SCUBE2: variants seen among roughly 807,000 people sequenced by gnomAD.
The protein encoded by SCUBE2 is signal peptide, CUB and EGF-like domain-containing protein 2.
A neutral mutation model predicts 125.9 loss-of-function variants in SCUBE2; 114 were observed. The observed-to-expected ratio is 0.91, with a 90% CI of 0.78 to 1.06. The LOEUF is 1.06. Among genes scored for constraint, SCUBE2 ranks in the 50% least tolerant of loss-of-function variants. SCUBE2 has a pLI of 0.00. For synonymous variants in SCUBE2, 459 were observed against 492.9 expected (o/e 0.93, Z 0.91); for missense variants, 1,255 against 1,301.8 (o/e 0.96, Z 0.55).
rs781255052 is a variant in SCUBE2 at position 9,033,682 on chromosome 11, G to C, written c.2117C>G (p.Pro706Arg). Residue 706 changes from proline to arginine, a missense_variant, in exon 17 of 23, where the codon CCA becomes CGA. Pro to Arg is a moderately radical substitution (Grantham distance 103). Around this residue, in one of 3 missense-constraint regions of SCUBE2, gnomAD observed 515 missense variants for 515.7 expected, o/e 1.00. Coordinates refer to ENST00000649792, the MANE Select transcript of SCUBE2 (RefSeq NM_001367977.2). ...GGTCTTCAGGGCCCCAGAATTTCCTGGTCTTGGGCATGGTTCACAAGTCAT... is the reference window on the plus strand; with the variant it reads ...GGTCTTCAGGGCCCCAGAATTTCCTCGTCTTGGGCATGGTTCACAAGTCAT... ...GQMTCEPCPR[P>R]GNSGALKTPE... The C allele has an allele frequency of 6.2e-7, 1 of 1,614,072 alleles. No individual in the cohort carries two copies.
chr11:9,030,223 T>C, intron 18 of SCUBE2, 178 bp from the exon 19 acceptor site: 1 of 651,142 alleles, frequency 1.5e-6, no homozygotes, highest in Non-Finnish European at 2.6e-6. Context: ...TGGATGGGGC[T>C]CATGAAATAG....
chr11:9,046,252 C>T (rs57590336), intron 16 of SCUBE2, among the ~76,000 whole-genome samples: 14,064 of 151,964 alleles, frequency 0.093, 1,148 homozygotes, highest in African/African-American at 0.22. Flanking sequence ...TCGTGATCTG[C>T]CCGCCTTGGC....
At chr11:9,051,503 G>A (rs547420563) in intron 13 of SCUBE2, among the ~76,000 whole-genome samples, 2 of 152,276 alleles carry the variant, frequency 1.3e-5, no homozygotes, top group East Asian at 1.9e-4. Context: ...TAGGCTCTGA[G>A]GTCTGAGAGG....
At position 9,053,278 on chromosome 11, in the gene SCUBE2, G is replaced by A. The variant is rs189357174; in HGVS notation, c.1331-63C>T. ...GACATTTCCAAGTGTGACAAGGATGGTTGAGTCCCATGCACCAAAGGCCCC... is the reference window on the plus strand; with the variant it reads ...GACATTTCCAAGTGTGACAAGGATGATTGAGTCCCATGCACCAAAGGCCCC... On this transcript the variant is annotated intron_variant, in intron 11 of 22. Transcript: ENST00000649792. The A allele has an allele frequency of 3.6e-5, 50 of 1,392,628 alleles. No homozygotes were observed. In the East Asian group the frequency reaches 1.0e-3, roughly 28 times the overall value. The allele number at this position is 1,392,628 out of a possible 1,614,324, so 86.3% of individuals were successfully genotyped here. A position where few individuals can be genotyped will look rare whatever the true frequency, so the allele number is the denominator to read the frequency against.
At chr11:9,039,248 TGAC>T (rs80019039) in intron 16 of SCUBE2, among the ~76,000 whole-genome samples, 14,765 of 152,066 alleles carry the variant, frequency 0.097, 1,284 homozygotes, top group African/African-American at 0.23. Flanking sequence ...GAGCTAGAGA[TGAC>T]GGTGGCTTGA....
chr11:9,047,382 C>T lies in SCUBE2; in HGVS notation c.1976G>A (p.Gly659Asp), dbSNP rs769504979. The T allele has an allele frequency of 2.5e-6, 4 of 1,614,170 alleles. No homozygotes were observed. Among genetic ancestry groups the T allele is most frequent in the Non-Finnish European group, 3.4e-6 (4 of 1,180,040 alleles). ...SERQAESCGVGQGHAENQCVS... is the reference protein window; with the variant it reads ...SERQAESCGVDQGHAENQCVS... ...ACATTGGTTTTCTGCATGACCCTGG[C>T]CCACTCCACAGGACTCTGCCTGGCG... Residue 659 changes from glycine to aspartate, a missense_variant, in exon 16 of 23, where the codon GGC (glycine) becomes GAC (aspartate). Around this residue, in one of 3 missense-constraint regions of SCUBE2, gnomAD observed 515 missense variants for 515.7 expected, o/e 1.00. Coordinates refer to ENST00000649792, the MANE Select transcript of SCUBE2 (RefSeq NM_001367977.2).
intron 3 of SCUBE2, among the ~76,000 whole-genome samples, chr11:9,075,844 G>A (rs1386171029): frequency 1.3e-5 from 2 of 152,238 alleles, no homozygotes; most frequent in Non-Finnish European, 2.9e-5. Flanking sequence ...GTGCCTGCAG[G>A]GCTGGGAGCC....
Position 9,040,669 on chromosome 11 carries a change from TA to T in SCUBE2, c.2002+6686del, listed in dbSNP as rs377732350. On this transcript the variant is annotated intron_variant, in intron 16 of 22. Coordinates refer to ENST00000649792, the MANE Select transcript of SCUBE2 (RefSeq NM_001367977.2). Reference sequence around the variant, plus strand: ...CATATCCCAGGCAGGATGGGGAGGGTACACAGTGTGGGTACGCAGGAGAAAG... The same window carrying T: ...CATATCCCAGGCAGGATGGGGAGGGTCACAGTGTGGGTACGCAGGAGAAAG... 5.4e-3 allele frequency among the ~76,000 whole-genome samples: 725 copies of T among 133,434 alleles called. 6 individuals are homozygous for T. The highest frequency in any genetic ancestry group is 0.014 in the Middle Eastern group (3 of 220). The allele number at this position is 133,434 out of a possible 152,430, so 87.5% of individuals were successfully genotyped here. A position where few individuals can be genotyped will look rare whatever the true frequency, so the allele number is the denominator to read the frequency against.
At chr11:9,059,486 C>T (rs1859451074) in intron 8 of SCUBE2, 61 bp from the exon 9 acceptor site, 2 of 1,568,684 alleles carry the variant, frequency 1.3e-6, no homozygotes, top group South Asian at 2.3e-5. Flanking sequence ...CCCACAACTC[C>T]CTGAAGGGCC....
rs537444230 is a variant in SCUBE2 at position 9,048,024 on chromosome 11, C to A, written c.1714G>T (p.Ala572Ser). The stretch of plus-strand genomic sequence containing the variant: ...TTAGGGGTGCTTGGTCGGCCAGGGG[C>A]TCCTGGGACTTGCTTGCCAGAGCTG... The part of the protein sequence containing the change: ...TCSSGKQVPG[A>S]PGRPSTPKEM... Residue 572 changes from alanine (A) to serine (S), a missense_variant, in exon 15 of 23, where the codon GCC (alanine) becomes TCC (serine). Physicochemically the swap from Ala to Ser is moderately conservative, Grantham distance 99 (BLOSUM62 1). Around this residue, in one of 3 missense-constraint regions of SCUBE2, gnomAD observed 378 missense variants for 463.1 expected, o/e 0.82. Transcript: ENST00000649792. 2 of 1,614,188 alleles carry A rather than the reference C, an allele frequency of 1.2e-6. No homozygotes were observed. Among genetic ancestry groups the A allele is most frequent in the Admixed American group, 3.3e-5 (2 of 60,024 alleles).
Position 9,030,807 on chromosome 11 carries a change from A to G in SCUBE2, c.2292T>C (p.Leu764=). 6.2e-7 allele frequency: 1 copy of G among 1,614,196 alleles called. No individual in the cohort carries two copies. Among genetic ancestry groups the G allele is most frequent in the African/African-American group, 1.3e-5 (1 of 75,064 alleles). The change falls in exon 18 of 23, where the codon CTT becomes CTC. Residue 764 remains leucine, a synonymous_variant. Transcript: ENST00000649792. ...AAGTAGCTCCCTGATGTTTGGTGGC[A>G]AGGCCTCCTCCACAGGGGAAGCAGG... is the stretch of plus-strand genomic sequence containing the variant. ...RTSCFPCGGG[L]ATKHQGATSF...
chr11:9,074,746 A>T, intron 3 of SCUBE2, 131 bp from the exon 4 acceptor site: 2 of 1,096,090 alleles, frequency 1.8e-6, no homozygotes, highest in Non-Finnish European at 2.7e-6. Flanking sequence ...AAGCTTTCAG[A>T]ATCAAAGCCG....
chr11:9,089,457 CTT>C (rs1458391760), intron 2 of SCUBE2, among the ~76,000 whole-genome samples: 1 of 152,204 alleles, frequency 6.6e-6, no homozygotes, highest in African/African-American at 2.4e-5. Context: ...TAACACATCT[CTT>C]TTCTTTTCCA....
intron 2 of SCUBE2, among the ~76,000 whole-genome samples, chr11:9,082,934 C>T (rs1468254567): frequency 6.6e-6 from 1 of 152,054 alleles, no homozygotes; most frequent in Admixed American, 6.6e-5. Flanking sequence ...CTGACTTGCA[C>T]AATTAAAATT....
Position 9,045,102 on chromosome 11 carries a change from A to T in SCUBE2, c.2002+2254T>A, listed in dbSNP as rs112862770. Among the ~76,000 whole-genome samples, 1,145 of 152,216 alleles carry T rather than the reference A, an allele frequency of 7.5e-3. 8 individuals are homozygous for T. Among genetic ancestry groups the T allele is most frequent in the African/African-American group, 0.026 (1,096 of 41,528 alleles). ...AATTGTAAACTCTGTGAGGGCTGAG[A>T]TGTTTGCGTGTTTCTTTATTGCTGG... On this transcript the variant is annotated intron_variant, in intron 16 of 22. Coordinates refer to ENST00000649792, the MANE Select transcript of SCUBE2 (RefSeq NM_001367977.2).
At chr11:9,021,604 A>G (rs1855298167) in intron 22 of SCUBE2, among the ~76,000 whole-genome samples, 1 of 152,270 alleles carries the variant, frequency 6.6e-6, no homozygotes, top group South Asian at 2.1e-4. Context: ...ATAGAAAAAC[A>G]TTATTTGCTG....
chr11:9,068,432 A>T (rs1019169045), intron 5 of SCUBE2, among the ~76,000 whole-genome samples: 1 of 152,170 alleles, frequency 6.6e-6, no homozygotes, highest in Non-Finnish European at 1.5e-5. Flanking sequence ...ATCCCATAGC[A>T]GGTACCAGGG....
intron 17 of SCUBE2, chr11:9,031,251 A>C (rs1856276653): frequency 5.2e-6 from 1 of 192,066 alleles, no homozygotes; most frequent in Non-Finnish European, 1.1e-5. Context: ...CCTGCAATGC[A>C]GGAGAGAGAG....
At chr11:9,068,345 A>T (rs1258754169) in intron 5 of SCUBE2, among the ~76,000 whole-genome samples, 3 of 152,196 alleles carry the variant, frequency 2.0e-5, no homozygotes, top group Non-Finnish European at 4.4e-5. Context: ...TGTTACTACA[A>T]TCGTGGTGCA....
Sources: gnomAD v4.1 joint callset for allele counts (sites outside exome capture counted in the v4.1 genomes callset) on GRCh38, gnomAD v4.1.1 for gene constraint, gnomAD v4.1.1 regional missense constraint, MANE v1.5 for transcripts, NCBI Gene and HGNC (gene_info 2026-07-23, HGNC 2026-07-21) for gene names.